Variants in MYO9A observed in about 807,000 individuals in gnomAD.
The protein encoded by MYO9A is myosin IXA, also known as unconventional myosin-IXa.
MYO9A carries 103 observed loss-of-function variants against 293.3 expected under a neutral mutation model. The ratio of observed to expected loss-of-function variants is 0.35; its 90% CI spans 0.30 to 0.41. The LOEUF is 0.41. Ranked by LOEUF, MYO9A falls within the 10% of genes least tolerant of loss-of-function variation. MYO9A has a pLI of 1.00. For missense variants in MYO9A, 2,685 were observed against 3,033.0 expected, an observed-to-expected ratio of 0.89 and a Z score of 2.69; for synonymous variants, 1,001 against 1,035.7, an observed-to-expected ratio of 0.97 and a Z score of 0.64.
rs1004705254 is a variant in MYO9A at position 72,007,246 on chromosome 15, T to C, written c.1380+580A>G. On this transcript the variant is annotated intron_variant, in intron 8 of 41. Transcript: ENST00000356056. ...ATCTGATGGGATAAATCTGGCAAGATGAGAAGGGGTAGGCAAGAGAGAAAT... is the reference window on the plus strand; with the variant it reads ...ATCTGATGGGATAAATCTGGCAAGACGAGAAGGGGTAGGCAAGAGAGAAAT... 1.3e-4 allele frequency among the ~76,000 whole-genome samples: 20 copies of C among 152,086 alleles called. 1 individual carries two copies. Among genetic ancestry groups the C allele is most frequent in the Non-Finnish European group, 2.9e-5 (2 of 68,024 alleles).
Position 71,822,317 on chromosome 15 carries a change from G to A in MYO9A, c.*4263C>T, listed in dbSNP as rs968946806. Reference sequence around the variant, plus strand: ...GCTTCTGGAAGCTTTGTTCTTTAATGAGCCATGGGGTGATTTGTTCATCAA... The same window carrying A: ...GCTTCTGGAAGCTTTGTTCTTTAATAAGCCATGGGGTGATTTGTTCATCAA... On this transcript the variant is annotated 3_prime_UTR_variant, in exon 42 of 42. Transcript: ENST00000356056. The A allele has an allele frequency of 1.3e-5, 2 of 152,150 alleles. No individual in the cohort carries two copies. The highest frequency in any genetic ancestry group is 2.9e-5 in the Non-Finnish European group (2 of 68,032). The allele number at this position is 152,150 out of a possible 1,614,324, so 9.4% of individuals were successfully genotyped here. A position where few individuals can be genotyped will look rare whatever the true frequency, so the allele number is the denominator to read the frequency against.
At chr15:71,834,489 T>C (rs1054186536) in intron 39 of MYO9A, among the ~76,000 whole-genome samples, 3 of 152,122 alleles carry the variant, frequency 2.0e-5, no homozygotes, top group Non-Finnish European at 4.4e-5. Context: ...AGAAGGATTA[T>C]TGCCAGGTGC....
chr15:72,011,096 A>T (rs1403387006), intron 6 of MYO9A, among the ~76,000 whole-genome samples: 3 of 151,024 alleles, frequency 2.0e-5, no homozygotes, highest in African/African-American at 7.3e-5. Context: ...TGCAGCTTCG[A>T]CCTCCCGGGC....
chr15:72,018,088 C>T (rs2929521), intron 6 of MYO9A, among the ~76,000 whole-genome samples: 140,839 of 151,922 alleles, frequency 0.93, 65,617 homozygotes, highest in Non-Finnish European at 0.97. Flanking sequence ...TATTAAAATA[C>T]AGTAATATAA....
At chr15:71,912,753 TAA>T (rs1182130019) in intron 19 of MYO9A, among the ~76,000 whole-genome samples, 1 of 152,234 alleles carries the variant, frequency 6.6e-6, no homozygotes, top group East Asian at 1.9e-4. Context: ...CCTTAGTTTT[TAA>T]AAGATACATT....
At chr15:72,017,425 C>T (rs1018371343) in intron 6 of MYO9A, among the ~76,000 whole-genome samples, 2 of 152,262 alleles carry the variant, frequency 1.3e-5, no homozygotes, top group South Asian at 2.1e-4. Flanking sequence ...TATGTGTTTG[C>T]AGTCCCCTAC....
intron 1 of MYO9A, among the ~76,000 whole-genome samples, chr15:72,056,458 A>G (rs538567096): frequency 6.6e-6 from 1 of 152,260 alleles, no homozygotes; most frequent in Non-Finnish European, 1.5e-5. Flanking sequence ...ATGGAACTGG[A>G]GACCATTAAT....
chr15:71,986,134 C>CAA (rs892696092), intron 11 of MYO9A, among the ~76,000 whole-genome samples: 4 of 151,872 alleles, frequency 2.6e-5, no homozygotes, highest in Non-Finnish European at 4.4e-5. Flanking sequence ...GAAAAAAATG[C>CAA]AAAAAATATA....
intron 39 of MYO9A, among the ~76,000 whole-genome samples, chr15:71,846,092 T>C (rs547623848): frequency 1.3e-5 from 2 of 152,332 alleles, no homozygotes; most frequent in African/African-American, 4.8e-5. Context: ...GCTTCCCATA[T>C]GGTGTGAATG....
chr15:71,827,803 A>G lies in MYO9A; in HGVS notation c.7183+81T>C. 2.8e-6 allele frequency: 4 copies of G among 1,449,298 alleles called. 1 individual carries two copies. The African/African-American group carries it at 4.3e-5, about 16-fold the overall frequency. The allele number at this position is 1,449,298 out of a possible 1,614,324, so 89.8% of individuals were successfully genotyped here. A position where few individuals can be genotyped will look rare whatever the true frequency, so the allele number is the denominator to read the frequency against. On this transcript the variant is annotated intron_variant, in intron 41 of 41. Coordinates refer to ENST00000356056, the MANE Select transcript of MYO9A (RefSeq NM_006901.4). ...TGATGTACAGTCAGTAAATTCTTAA[A>G]AGACTTTGTCTTAGTTTTGGAATCT...
At chr15:71,918,289 A>G (rs754674990) in intron 18 of MYO9A, among the ~76,000 whole-genome samples, 6 of 152,148 alleles carry the variant, frequency 3.9e-5, no homozygotes, top group Admixed American at 3.9e-4. Flanking sequence ...TCACATCTAG[A>G]TATTTATTCT....
intron 16 of MYO9A, among the ~76,000 whole-genome samples, chr15:71,936,265 C>G (rs2058641153): frequency 1.3e-5 from 2 of 152,062 alleles, no homozygotes; most frequent in Admixed American, 1.3e-4. Context: ...TCTAAATAAG[C>G]TGCTCTCACA....
At chr15:71,928,052 ATATATTTTTTTTTTTTTTTTT>A (rs2058369968) in intron 18 of MYO9A, among the ~76,000 whole-genome samples, 1 of 10,228 alleles carries the variant, frequency 9.8e-5, no homozygotes, top group Admixed American at 1.1e-3. Context: ...ATATATATAT[ATATATTTTTTTTTTTTTTTTT>A]TTTTTTTTTT....
At chr15:72,077,764 TA>T (rs2079416431) in intron 1 of MYO9A, among the ~76,000 whole-genome samples, 1 of 127,156 alleles carries the variant, frequency 7.9e-6, no homozygotes, top group Non-Finnish European at 1.7e-5. Flanking sequence ...TATATATATA[TA>T]TATATATATA....
At chr15:72,068,323 T>C (rs550303733) in intron 1 of MYO9A, among the ~76,000 whole-genome samples, 112 of 152,318 alleles carry the variant, frequency 7.4e-4, no homozygotes, top group Non-Finnish European at 1.5e-3. Flanking sequence ...TGAGAATATA[T>C]AGTTGGACAC....
chr15:72,022,591 A>G (rs543684396), intron 4 of MYO9A, among the ~76,000 whole-genome samples: 80 of 151,918 alleles, frequency 5.3e-4, no homozygotes, highest in African/African-American at 1.9e-3. Flanking sequence ...GCTGTCACCC[A>G]GGTTGGAGTG....
At chr15:72,029,701 C>T (rs2077801793) in intron 3 of MYO9A, among the ~76,000 whole-genome samples, 1 of 152,204 alleles carries the variant, frequency 6.6e-6, no homozygotes, top group Non-Finnish European at 1.5e-5. Context: ...AGGAATTAAA[C>T]ATCAATTGTA....
chr15:71,899,734 T>C lies in MYO9A; in HGVS notation c.3423A>G (p.Lys1141=), dbSNP rs140371698. Residue 1141 remains lysine, a synonymous_variant, in exon 24 of 42, where the codon AAA becomes AAG. Transcript: ENST00000356056. ...ESKRYQEQRK[K]IILLQSTCRG... Reference sequence around the variant, plus strand: ...TACATGTTGATTGCAAAAGGATAATTTTTTTCCTTTGTTCTTGGTACCTTT... The same window carrying C: ...TACATGTTGATTGCAAAAGGATAATCTTTTTCCTTTGTTCTTGGTACCTTT... The C allele has an allele frequency of 6.2e-7, 1 of 1,614,052 alleles. No individual in the cohort carries two copies. Among genetic ancestry groups the C allele is most frequent in the Non-Finnish European group, 8.5e-7 (1 of 1,180,002 alleles).
chr15:71,942,518 G>A (rs748788830), intron 15 of MYO9A, among the ~76,000 whole-genome samples: 2 of 151,782 alleles, frequency 1.3e-5, no homozygotes, highest in Non-Finnish European at 2.9e-5. Context: ...TGACATCTTA[G>A]TTTATATTTT....
Sources: gnomAD v4.1 joint callset for allele counts (sites outside exome capture counted in the v4.1 genomes callset) on GRCh38, gnomAD v4.1.1 for gene constraint, MANE v1.5 for transcripts, NCBI Gene and HGNC (gene_info 2026-07-23, HGNC 2026-07-21) for gene names.